SYT14: variants seen among roughly 807,000 people sequenced by gnomAD.
The protein encoded by SYT14 is synaptotagmin 14, also known as synaptotagmin-14.
A neutral mutation model predicts 74.2 loss-of-function variants in SYT14; 32 were observed. The ratio of observed to expected loss-of-function variants is 0.43; its 90% confidence interval spans 0.33 to 0.58. The LOEUF is 0.58. SYT14 is among the 20% of genes least tolerant of loss of function. The pLI is 0.05. For missense variants in SYT14, 791 were observed against 981.8 expected (o/e 0.81, Z 2.60); for synonymous variants, 298 against 337.7 (o/e 0.88, Z 1.29).
At chr1:210,056,781 G>A (rs939522134) in intron 5 of SYT14, among the ~76,000 whole-genome samples, 5 of 151,138 alleles carry the variant, frequency 3.3e-5, no homozygotes, top group Admixed American at 1.3e-4. Flanking sequence ...GCGAAACTCC[G>A]TATCAAACAA....
chr1:210,066,086 A>G (rs1235087533), intron 5 of SYT14, among the ~76,000 whole-genome samples: 1 of 151,212 alleles, frequency 6.6e-6, no homozygotes, highest in Non-Finnish European at 1.5e-5. Flanking sequence ...ATAGTATTCC[A>G]TGGTGTATAT....
chr1:209,981,445 CTTTTCT>C (rs2079483250), intron 2 of SYT14, among the ~76,000 whole-genome samples: 5 of 86,152 alleles, frequency 5.8e-5, no homozygotes, highest in East Asian at 9.9e-4. Flanking sequence ...TTTTCTTTTT[CTTTTCT>C]TTTTTTTTTT....
chr1:210,064,188 A>C (rs548593108), intron 5 of SYT14, among the ~76,000 whole-genome samples: 1 of 152,144 alleles, frequency 6.6e-6, no homozygotes, highest in East Asian at 1.9e-4. Context: ...TTCACTTAGC[A>C]TAAAGTTTTC....
chr1:210,163,301 G>C (rs1558234517), exon 10 of SYT14: 1 of 453,578 alleles, frequency 2.2e-6, no homozygotes, highest in South Asian at 1.6e-5. Context: ...TGTGTGATTT[G>C]ATACATCCCT....
chr1:209,973,093 A>G (rs979057300), intron 2 of SYT14, among the ~76,000 whole-genome samples: 1 of 151,004 alleles, frequency 6.6e-6, no homozygotes, highest in Non-Finnish European at 1.5e-5. Context: ...TCATTATGTA[A>G]TGCATTTCTC....
intron 5 of SYT14, among the ~76,000 whole-genome samples, chr1:210,042,855 A>G (rs931364790): frequency 2.0e-5 from 3 of 152,132 alleles, no homozygotes; most frequent in Non-Finnish European, 4.4e-5. Flanking sequence ...TTGGTTCCAT[A>G]TGAAATTTAA....
At chr1:210,095,120 G>A (rs1230136388) in intron 6 of SYT14, among the ~76,000 whole-genome samples, 1 of 152,056 alleles carries the variant, frequency 6.6e-6, no homozygotes, top group Non-Finnish European at 1.5e-5. Context: ...CTGTTTCGGA[G>A]CAAAAATGTG....
At position 209,979,582 on chromosome 1, in the gene SYT14, G is replaced by A. The variant is rs113009956; in HGVS notation, c.-486+26826G>A. On this transcript the variant is annotated intron_variant, in intron 2 of 9. Coordinates refer to ENST00000637265, the Ensembl canonical transcript of SYT14. ...TAAGCCCAGCATCCATTAGCTATTC[G>A]TCTTGGTGCTTTCCCTCCTGCTGCC... Among the ~76,000 whole-genome samples the A allele has an allele frequency of 6.0e-3, 908 of 152,062 alleles. 5 individuals carry two copies. The highest frequency in any genetic ancestry group is 0.018 in the African/African-American group (733 of 41,490).
chr1:209,939,743 A>G (rs1054637064), intron 1 of SYT14, among the ~76,000 whole-genome samples: 1 of 152,226 alleles, frequency 6.6e-6, no homozygotes, highest in Admixed American at 6.5e-5. Context: ...ACACTACCAC[A>G]CTACCACACC....
chr1:210,108,461 A>G (rs760348183), intron 7 of SYT14, among the ~76,000 whole-genome samples: 1 of 152,208 alleles, frequency 6.6e-6, no homozygotes, highest in African/African-American at 2.4e-5. Flanking sequence ...TGAAGGGGCT[A>G]GAATCCAAAC....
chr1:210,113,952 T>C (rs2082310756), intron 7 of SYT14, among the ~76,000 whole-genome samples: 1 of 151,250 alleles, frequency 6.6e-6, no homozygotes, highest in Non-Finnish European at 1.5e-5. Flanking sequence ...AAGAAAGTAA[T>C]GTGGAGTTGG....
intron 5 of SYT14, among the ~76,000 whole-genome samples, chr1:210,042,516 C>T (rs949584862): frequency 1.3e-5 from 2 of 152,052 alleles, no homozygotes; most frequent in African/African-American, 2.4e-5. Context: ...ATCTTTAATC[C>T]ATCTTGAGTT....
At chr1:210,153,513 C>T (rs1558226191) in intron 7 of SYT14, among the ~76,000 whole-genome samples, 1 of 151,866 alleles carries the variant, frequency 6.6e-6, no homozygotes, top group Admixed American at 6.6e-5. Context: ...ACATTTATTC[C>T]TACATATTTT....
chr1:210,065,634 A>G (rs1434804231), intron 5 of SYT14, among the ~76,000 whole-genome samples: 1 of 151,854 alleles, frequency 6.6e-6, no homozygotes, highest in South Asian at 2.1e-4. Context: ...TTAAAAGGCA[A>G]CTTTTTTGAA....
chr1:210,066,732 A>G (rs1008914577), intron 5 of SYT14, among the ~76,000 whole-genome samples: 1 of 152,102 alleles, frequency 6.6e-6, no homozygotes, highest in Non-Finnish European at 1.5e-5. Flanking sequence ...TAGTTTAATT[A>G]GATCCCATTT....
intron 5 of SYT14, among the ~76,000 whole-genome samples, chr1:210,067,186 C>G (rs2081312223): frequency 2.6e-5 from 4 of 152,158 alleles, no homozygotes; most frequent in Middle Eastern, 3.4e-3. Context: ...ACCACACTCT[C>G]TTGATTACAG....
intron 2 of SYT14, among the ~76,000 whole-genome samples, chr1:209,980,772 A>ACC (rs2079469767): frequency 6.6e-6 from 1 of 151,936 alleles, no homozygotes; most frequent in African/African-American, 2.4e-5. Flanking sequence ...GTGCAGTCTT[A>ACC]TTTCTGGGTT....
chr1:210,100,320 T>G lies in SYT14; in HGVS notation c.1893T>G (p.Tyr631Ter). ...TTGAATCTGAGATGATTGGAAATTA[T>G]GCAGTTCGGTTTAGACTGTATGGTG... Residue 631 changes from tyrosine to a stop codon, truncating the protein, a stop_gained, in exon 7 of 10, where the codon TAT (tyrosine) becomes TAG (stop). Transcript: ENST00000637265. LOFTEE classifies it high-confidence loss of function. 3 of 1,614,136 alleles carry G rather than the reference T, an allele frequency of 1.9e-6. No individual in the cohort carries two copies. The highest frequency in any genetic ancestry group is 2.5e-6 in the Non-Finnish European group (3 of 1,180,010).
At chr1:210,127,127 C>G (rs968195949) in intron 7 of SYT14, among the ~76,000 whole-genome samples, 5 of 152,126 alleles carry the variant, frequency 3.3e-5, no homozygotes, top group African/African-American at 1.2e-4. Context: ...GTTAAAAGTT[C>G]ATTTGCAAGT....
Sources: allele counts gnomAD v4.1 joint callset (sites outside exome capture counted in the v4.1 genomes callset), GRCh38; gene constraint gnomAD v4.1.1; transcripts MANE v1.5; gene names NCBI Gene and HGNC (gene_info 2026-07-23, HGNC 2026-07-21).